JAM3: variants seen among roughly 807,000 people sequenced by gnomAD.
The protein encoded by JAM3 is junctional adhesion molecule C.
JAM3 carries 31 observed loss-of-function variants against 39.4 expected under a neutral mutation model. That is an observed-to-expected ratio of 0.79 (90% CI 0.59 to 1.06). The LOEUF (loss-of-function observed/expected upper bound fraction) is 1.06. Among genes scored for constraint, JAM3 ranks in the 50% least tolerant of loss-of-function variants. The pLI, the probability that JAM3 is intolerant of heterozygous loss-of-function variation, is 0.00. For missense variants in JAM3, 455 were observed against 391.4 expected, an observed-to-expected ratio of 1.16 and a Z score of -1.37; for synonymous variants, 182 against 148.7, an observed-to-expected ratio of 1.22 and a Z score of -1.63.
intron 1 of JAM3, among the ~76,000 whole-genome samples, chr11:134,106,986 A>C (rs1457575813): frequency 6.6e-6 from 1 of 152,240 alleles, no homozygotes; most frequent in Non-Finnish European, 1.5e-5. Context: ...TACTGGGTAT[A>C]TACCCAAAGG....
At chr11:134,119,810 G>A (rs1290933347) in intron 1 of JAM3, among the ~76,000 whole-genome samples, 2 of 152,174 alleles carry the variant, frequency 1.3e-5, no homozygotes, top group Non-Finnish European at 2.9e-5. Context: ...AACCCTCACA[G>A]CTAGGTTTAT....
At chr11:134,071,019 G>A (rs987508529) in intron 1 of JAM3, among the ~76,000 whole-genome samples, 2 of 152,052 alleles carry the variant, frequency 1.3e-5, no homozygotes, top group African/African-American at 4.8e-5. Context: ...CCATTATTTG[G>A]TTTATGCTTT....
intron 1 of JAM3, among the ~76,000 whole-genome samples, chr11:134,135,750 C>G (rs943188494): frequency 6.6e-6 from 1 of 151,870 alleles, no homozygotes; most frequent in African/African-American, 2.4e-5. Context: ...AGACAGGTAT[C>G]TAGTATATAA....
intron 1 of JAM3, among the ~76,000 whole-genome samples, chr11:134,107,293 G>A (rs1477877971): frequency 6.6e-6 from 1 of 152,094 alleles, no homozygotes; most frequent in Non-Finnish European, 1.5e-5. Context: ...GAGAACACTT[G>A]GACACAGGAA....
chr11:134,117,940 T>C (rs958008962), intron 1 of JAM3, among the ~76,000 whole-genome samples: 1 of 152,154 alleles, frequency 6.6e-6, no homozygotes. Context: ...ATGTCTGCAG[T>C]TGGAATGCAG....
At chr11:134,131,219 AAT>A (rs953010915) in intron 1 of JAM3, among the ~76,000 whole-genome samples, 2 of 106,992 alleles carry the variant, frequency 1.9e-5, no homozygotes, top group Admixed American at 3.1e-4. Flanking sequence ...AGACGGCTAT[AAT>A]ATGCTCTTTT....
intron 1 of JAM3, among the ~76,000 whole-genome samples, chr11:134,117,767 A>T (rs990190535): frequency 5.3e-5 from 8 of 152,142 alleles, no homozygotes; most frequent in Non-Finnish European, 7.3e-5. Flanking sequence ...AGATTCCCTT[A>T]TATTTTCAAG....
At chr11:134,073,154 C>T (rs927193775) in intron 1 of JAM3, among the ~76,000 whole-genome samples, 1 of 152,180 alleles carries the variant, frequency 6.6e-6, no homozygotes, top group Non-Finnish European at 1.5e-5. Context: ...TTGACTGTCT[C>T]TCTGCTTCTT....
chr11:134,130,630 AAAG>A (rs565719252), intron 1 of JAM3, among the ~76,000 whole-genome samples: 168 of 152,296 alleles, frequency 1.1e-3, no homozygotes, highest in Non-Finnish European at 2.2e-3. Flanking sequence ...ATCTAACCAA[AAAG>A]AGCCATCTTT....
At chr11:134,092,046 T>C (rs947180403) in intron 1 of JAM3, among the ~76,000 whole-genome samples, 2 of 152,126 alleles carry the variant, frequency 1.3e-5, no homozygotes, top group African/African-American at 2.4e-5. Flanking sequence ...TACTACTCTT[T>C]TCATCCCCTT....
At chr11:134,071,091 A>T (rs182596161) in intron 1 of JAM3, among the ~76,000 whole-genome samples, 31 of 152,080 alleles carry the variant, frequency 2.0e-4, no homozygotes, top group African/African-American at 6.7e-4. Context: ...ATTTTTTATG[A>T]TTATTCTCAA....
At chr11:134,080,596 C>A (rs866878963) in intron 1 of JAM3, among the ~76,000 whole-genome samples, 16 of 152,292 alleles carry the variant, frequency 1.1e-4, no homozygotes, top group Admixed American at 6.5e-5. Context: ...ATGAGACATG[C>A]CTTTTACCTT....
intron 1 of JAM3, among the ~76,000 whole-genome samples, chr11:134,081,642 G>A (rs546702750): frequency 6.6e-6 from 1 of 152,360 alleles, no homozygotes; most frequent in South Asian, 2.1e-4. Context: ...TGTCCAGGCA[G>A]AAGTTTGCTG....
At chr11:134,082,242 A>G (rs987264912) in intron 1 of JAM3, among the ~76,000 whole-genome samples, 3 of 152,256 alleles carry the variant, frequency 2.0e-5, no homozygotes, top group Non-Finnish European at 4.4e-5. Flanking sequence ...TTACAGGTTC[A>G]TAGGCAGAAG....
chr11:134,147,968 G>A (rs1041520003), intron 6 of JAM3: 8 of 157,954 alleles, frequency 5.1e-5, no homozygotes, highest in Non-Finnish European at 9.8e-5. Flanking sequence ...CAGTGCCTTT[G>A]CCCAGTGTAT....
chr11:134,077,650 C>CTTT (rs71038558), intron 1 of JAM3, among the ~76,000 whole-genome samples: 43 of 102,036 alleles, frequency 4.2e-4, no homozygotes, highest in African/African-American at 1.3e-3. Context: ...TGGCTGGCGC[C>CTTT]TTTTTTTTTT....
chr11:134,117,292 G>T (rs921243846), intron 1 of JAM3, among the ~76,000 whole-genome samples: 1 of 152,186 alleles, frequency 6.6e-6, no homozygotes, highest in African/African-American at 2.4e-5. Flanking sequence ...CAGAAGAATT[G>T]CTTGAACCCG....
intron 1 of JAM3, among the ~76,000 whole-genome samples, chr11:134,120,383 T>TG (rs1333148549): frequency 4.6e-5 from 7 of 152,226 alleles, no homozygotes; most frequent in African/African-American, 1.4e-4. Context: ...GAGCCAGACA[T>TG]GCATAAACTA....
At chr11:134,110,168 T>C (rs1942282375) in intron 1 of JAM3, among the ~76,000 whole-genome samples, 1 of 152,202 alleles carries the variant, frequency 6.6e-6, no homozygotes, top group Non-Finnish European at 1.5e-5. Context: ...TGACTATACC[T>C]AGTGTTGGTG....
Sources: allele counts gnomAD v4.1 joint callset (sites outside exome capture counted in the v4.1 genomes callset), GRCh38; gene constraint gnomAD v4.1.1; transcripts MANE v1.5; gene names NCBI Gene and HGNC (gene_info 2026-07-23, HGNC 2026-07-21).